Variants in SMYD3 observed in about 807,000 individuals in gnomAD.
The protein encoded by SMYD3 is histone-lysine N-methyltransferase SMYD3.
Under a neutral mutation model 57.7 loss-of-function variants are expected in SMYD3, and 36 were observed. The observed-to-expected ratio is 0.62, with a 90% confidence interval of 0.48 to 0.82. The LOEUF (loss-of-function observed/expected upper bound fraction) is 0.82, where lower values mean the gene tolerates loss of function less well. Ranked by LOEUF, SMYD3 falls within the 40% of genes least tolerant of loss-of-function variation. The pLI, the probability that SMYD3 is intolerant of heterozygous loss-of-function variation, is 0.00. For synonymous variants in SMYD3, 211 were observed against 195.0 expected (o/e 1.08, Z -0.68); for missense variants, 515 against 538.8 (o/e 0.96, Z 0.44).
chr1:246,442,566 TA>T (rs1256108863), intron 1 of SMYD3, among the ~76,000 whole-genome samples: 1 of 149,066 alleles, frequency 6.7e-6, no homozygotes. Flanking sequence ...AATAAAATAA[TA>T]AAAAAAGACT....
intron 11 of SMYD3, among the ~76,000 whole-genome samples, chr1:245,752,520 C>T (rs2045433501): frequency 2.0e-5 from 3 of 152,358 alleles, no homozygotes; most frequent in Non-Finnish European, 2.9e-5. Context: ...CACTGGCATG[C>T]TTTGAACATA....
chr1:246,330,680 A>G (rs973018602), intron 3 of SMYD3, 143 bp from the exon 4 acceptor site: 5 of 523,240 alleles, frequency 9.6e-6, no homozygotes, highest in African/African-American at 2.0e-5. Flanking sequence ...CATCACTCTC[A>G]TTAGACTGAA....
chr1:246,292,240 A>G (rs1366238790), intron 5 of SMYD3, among the ~76,000 whole-genome samples: 1 of 151,840 alleles, frequency 6.6e-6, no homozygotes, highest in Non-Finnish European at 1.5e-5. Flanking sequence ...TAGACTTACT[A>G]TCCAAAACAC....
chr1:246,168,311 C>T (rs2062258108), intron 5 of SMYD3, among the ~76,000 whole-genome samples: 1 of 152,154 alleles, frequency 6.6e-6, no homozygotes, highest in South Asian at 2.1e-4. Context: ...AATGCACGAA[C>T]CTCTCCCAGA....
chr1:246,144,990 A>G (rs1394340188), intron 5 of SMYD3, among the ~76,000 whole-genome samples: 1 of 152,244 alleles, frequency 6.6e-6, no homozygotes, highest in African/African-American at 2.4e-5. Flanking sequence ...TATAGTGGAA[A>G]GAACACAGGC....
chr1:246,346,304 A>G (rs2065715449), intron 2 of SMYD3, among the ~76,000 whole-genome samples: 1 of 151,944 alleles, frequency 6.6e-6, no homozygotes, highest in Admixed American at 6.6e-5. Context: ...ACAAACTAAA[A>G]AAGAACTACA....
chr1:246,483,529 G>T (rs888838336), intron 1 of SMYD3: 4 of 152,096 alleles, frequency 2.6e-5, no homozygotes, highest in Non-Finnish European at 5.9e-5. Flanking sequence ...ATCTAAAAAT[G>T]AAACTAAAAA....
chr1:246,451,204 C>A (rs1018850114), intron 1 of SMYD3, among the ~76,000 whole-genome samples: 4 of 152,174 alleles, frequency 2.6e-5, no homozygotes, highest in Admixed American at 6.5e-5. Flanking sequence ...AGCTGACTGA[C>A]AAGATTCTGG....
chr1:246,025,935 C>G (rs1185363759), intron 5 of SMYD3: 2 of 152,212 alleles, frequency 1.3e-5, no homozygotes, highest in African/African-American at 4.8e-5. Flanking sequence ...AGTTTAAGAC[C>G]AGCCTGGCCA....
chr1:245,831,199 CTAAT>C (rs2049811942), intron 10 of SMYD3, among the ~76,000 whole-genome samples: 1 of 152,306 alleles, frequency 6.6e-6, no homozygotes, highest in South Asian at 2.1e-4. Flanking sequence ...CTTACTGAGA[CTAAT>C]AAATTACTGT....
intron 5 of SMYD3, among the ~76,000 whole-genome samples, chr1:246,227,303 C>T (rs2333996): frequency 6.6e-6 from 1 of 151,984 alleles, no homozygotes; most frequent in East Asian, 1.9e-4. Flanking sequence ...TGCACTGGGG[C>T]GCCCTCAGGA....
chr1:245,826,243 T>C (rs2049484468), intron 10 of SMYD3, among the ~76,000 whole-genome samples: 1 of 151,980 alleles, frequency 6.6e-6, no homozygotes, highest in African/African-American at 2.4e-5. Flanking sequence ...CCTTTTTACG[T>C]TGAATTTGCC....
chr1:246,019,128 C>T (rs2059426556), intron 5 of SMYD3, among the ~76,000 whole-genome samples: 1 of 152,196 alleles, frequency 6.6e-6, no homozygotes. Flanking sequence ...TTCTCCATTA[C>T]TCTCCACTCC....
intron 1 of SMYD3, among the ~76,000 whole-genome samples, chr1:246,438,971 C>G (rs2067423160): frequency 6.6e-6 from 1 of 152,018 alleles, no homozygotes; most frequent in African/African-American, 2.4e-5. Context: ...ACTGTGCGGC[C>G]TGGTTCCTGA....
At chr1:246,166,748 A>G (rs1332053639) in intron 5 of SMYD3, among the ~76,000 whole-genome samples, 1 of 152,170 alleles carries the variant, frequency 6.6e-6, no homozygotes. Context: ...AATACCTGAG[A>G]GCTAGGGGCC....
intron 5 of SMYD3, among the ~76,000 whole-genome samples, chr1:246,311,883 G>A (rs567207246): frequency 2.6e-5 from 4 of 152,294 alleles, no homozygotes; most frequent in Admixed American, 6.5e-5. Context: ...GCAACAGTGC[G>A]GCAGGCATCG....
intron 1 of SMYD3, among the ~76,000 whole-genome samples, chr1:246,423,671 TA>T (rs552057854): frequency 6.7e-6 from 1 of 149,646 alleles, no homozygotes; most frequent in Non-Finnish European, 1.5e-5. Context: ...CTCAAAAAAA[TA>T]AAAAAAAAGA....
At chr1:245,884,044 G>C (rs2052941404) in intron 8 of SMYD3, among the ~76,000 whole-genome samples, 1 of 152,124 alleles carries the variant, frequency 6.6e-6, no homozygotes. Flanking sequence ...TCCAGAACTT[G>C]AGGATTAGGA....
chr1:246,164,627 C>T (rs1235468605), intron 5 of SMYD3, among the ~76,000 whole-genome samples: 1 of 152,240 alleles, frequency 6.6e-6, no homozygotes, highest in Admixed American at 6.5e-5. Flanking sequence ...GAGAAACTTC[C>T]TGGTGCCAGG....
Sources: gnomAD v4.1 joint callset for allele counts (sites outside exome capture counted in the v4.1 genomes callset) on GRCh38, gnomAD v4.1.1 for gene constraint, MANE v1.5 for transcripts, NCBI Gene and HGNC (gene_info 2026-07-23, HGNC 2026-07-21) for gene names.